The following RIMS2 variants were observed in gnomAD, a reference collection of about 807,000 sequenced individuals.
The protein encoded by RIMS2 is regulating synaptic membrane exocytosis protein 2.
Under a neutral mutation model 174.4 loss-of-function variants are expected in RIMS2, and 59 were observed. The observed-to-expected ratio is 0.34, with a 90% CI of 0.27 to 0.42. The LOEUF (loss-of-function observed/expected upper bound fraction) is 0.42, where lower values mean the gene tolerates loss of function less well. Ranked by LOEUF, RIMS2 falls within the 10% of genes least tolerant of loss-of-function variation. The pLI, the probability that RIMS2 is intolerant of heterozygous loss-of-function variation, is 1.00. For synonymous variants in RIMS2, 606 were observed against 572.5 expected, an observed-to-expected ratio of 1.06 and a Z score of -0.84; for missense variants, 1,620 against 1,666.3, an observed-to-expected ratio of 0.97 and a Z score of 0.48.
intron 2 of RIMS2, among the ~76,000 whole-genome samples, chr8:103,708,332 C>A (rs967508730): frequency 3.9e-5 from 6 of 152,172 alleles, no homozygotes; most frequent in African/African-American, 1.2e-4. Flanking sequence ...TGGAATTCTG[C>A]CTGGTGTTAA....
intron 19 of RIMS2, among the ~76,000 whole-genome samples, chr8:104,121,650 C>A (rs924469723): frequency 9.9e-5 from 15 of 152,208 alleles, no homozygotes; most frequent in African/African-American, 3.6e-4. Flanking sequence ...GAGTGCCAGG[C>A]CCTATTCTTG....
chr8:104,056,361 G>A (rs112565925), intron 19 of RIMS2, among the ~76,000 whole-genome samples: 19,298 of 151,256 alleles, frequency 0.13, 1,664 homozygotes, highest in Non-Finnish European at 0.19. Flanking sequence ...CCGAGATCAC[G>A]CCATTGCACC....
At chr8:104,167,619 T>C (rs1214606977) in intron 19 of RIMS2, among the ~76,000 whole-genome samples, 1 of 152,214 alleles carries the variant, frequency 6.6e-6, no homozygotes, top group Non-Finnish European at 1.5e-5. Flanking sequence ...TCCCATTCTG[T>C]GGGTTGTCTA....
chr8:104,075,919 T>C (rs1244656161), intron 19 of RIMS2, among the ~76,000 whole-genome samples: 4 of 152,238 alleles, frequency 2.6e-5, no homozygotes, highest in African/African-American at 7.2e-5. Context: ...CTTTGCTTCC[T>C]GGCCCCAAAC....
At chr8:103,543,186 A>G (rs973025293) in intron 1 of RIMS2, among the ~76,000 whole-genome samples, 1 of 152,224 alleles carries the variant, frequency 6.6e-6, no homozygotes, top group Admixed American at 6.5e-5. Flanking sequence ...AGGATACAAA[A>G]TCAACCTACA....
At position 103,983,959 on chromosome 8, in the gene RIMS2, G is replaced by A. The variant is rs565772216; in HGVS notation, c.2928-5346G>A. On this transcript the variant is annotated intron_variant, in intron 16 of 23. Coordinates refer to ENST00000504942, the Ensembl canonical transcript of RIMS2. ...GAGGCCAAGGCGGGCGGATCACGAGGTCAGGAGATCGAGACCATCCTGGCT... is the reference window on the plus strand; with the variant it reads ...GAGGCCAAGGCGGGCGGATCACGAGATCAGGAGATCGAGACCATCCTGGCT... Among the ~76,000 whole-genome samples, 68 of 152,168 alleles carry A rather than the reference G, an allele frequency of 4.5e-4. 1 individual carries two copies. In the South Asian group the frequency reaches 0.014, roughly 31 times the overall value.
intron 3 of RIMS2, among the ~76,000 whole-genome samples, chr8:103,870,118 T>C (rs2099103331): frequency 7.0e-6 from 1 of 143,056 alleles, no homozygotes; most frequent in Non-Finnish European, 1.5e-5. Context: ...TAACAGCCGA[T>C]AGCTATAAGG....
intron 15 of RIMS2, among the ~76,000 whole-genome samples, chr8:103,974,557 T>C (rs2093243448): frequency 6.6e-6 from 1 of 152,240 alleles, no homozygotes; most frequent in South Asian, 2.1e-4. Context: ...AACTTAGAAG[T>C]CCTTCTACTT....
intron 1 of RIMS2, among the ~76,000 whole-genome samples, chr8:103,513,493 G>C (rs1370410306): frequency 1.3e-5 from 2 of 152,080 alleles, no homozygotes; most frequent in East Asian, 3.8e-4. Context: ...CTCTTAGCAG[G>C]GTTAGGACAG....
chr8:103,751,175 G>A (rs898659367), intron 2 of RIMS2, among the ~76,000 whole-genome samples: 9 of 152,052 alleles, frequency 5.9e-5, no homozygotes, highest in Middle Eastern at 3.4e-3. Flanking sequence ...CAGTTCCCAC[G>A]CATGAGTGAG....
At chr8:103,695,395 T>G (rs1564317786) in intron 1 of RIMS2, among the ~76,000 whole-genome samples, 1 of 152,166 alleles carries the variant, frequency 6.6e-6, no homozygotes, top group African/African-American at 2.4e-5. Flanking sequence ...TCTGCTCTAA[T>G]CTCTTGTATT....
chr8:103,879,608 C>G (rs900322804), intron 3 of RIMS2, among the ~76,000 whole-genome samples: 9 of 151,610 alleles, frequency 5.9e-5, no homozygotes, highest in Middle Eastern at 3.4e-3. Context: ...CCAATCTTTT[C>G]AAGACCTACA....
At chr8:104,250,139 A>G (rs1564003834) in intron 22 of RIMS2, among the ~76,000 whole-genome samples, 2 of 152,236 alleles carry the variant, frequency 1.3e-5, no homozygotes, top group South Asian at 4.1e-4. Context: ...TCTAAGGTGC[A>G]TTGAAGCCAT....
At chr8:104,190,564 C>G (rs2136337985) in intron 19 of RIMS2, among the ~76,000 whole-genome samples, 1 of 152,148 alleles carries the variant, frequency 6.6e-6, no homozygotes, top group African/African-American at 2.4e-5. Context: ...ATGCAAGTCT[C>G]CAAATATTTT....
intron 16 of RIMS2, among the ~76,000 whole-genome samples, chr8:103,984,128 C>G (rs2094158673): frequency 6.6e-6 from 1 of 151,900 alleles, no homozygotes; most frequent in East Asian, 1.9e-4. Flanking sequence ...GAGCCGAGAT[C>G]GCGCCACTGC....
In RIMS2 at chr8:103,684,861, A is replaced by G. The variant is rs2096922988; in HGVS notation, c.177-12225A>G. 2.6e-5 allele frequency among the ~76,000 whole-genome samples: 4 copies of G among 152,124 alleles called. No individual in the cohort carries two copies. The South Asian group carries it at 8.3e-4, about 31-fold the overall frequency. Reference sequence around the variant, plus strand: ...CTTGGCCTCCCAAAGTGCTGGGATTACAGGCATGAGCCACTTCACCTGGCA... The same window carrying G: ...CTTGGCCTCCCAAAGTGCTGGGATTGCAGGCATGAGCCACTTCACCTGGCA... On this transcript the variant is annotated intron_variant, in intron 1 of 23. Transcript: ENST00000504942.
chr8:104,072,976 A>T (rs2097219923), intron 19 of RIMS2, among the ~76,000 whole-genome samples: 1 of 152,032 alleles, frequency 6.6e-6, no homozygotes, highest in East Asian at 1.9e-4. Context: ...TACTCAATGT[A>T]CTCTTGCATG....
At chr8:104,120,955 A>G (rs2098364566) in intron 19 of RIMS2, among the ~76,000 whole-genome samples, 1 of 152,124 alleles carries the variant, frequency 6.6e-6, no homozygotes. Context: ...CAAGAAAGTG[A>G]GCTAATTAAC....
intron 17 of RIMS2, 68 bp from the exon 20 acceptor site, chr8:104,013,374 A>T: frequency 8.1e-7 from 1 of 1,235,906 alleles, no homozygotes; most frequent in Non-Finnish European, 1.1e-6. Flanking sequence ...AATCAGTTTG[A>T]TGCATCATAA....
Sources: allele counts gnomAD v4.1 joint callset (sites outside exome capture counted in the v4.1 genomes callset), GRCh38; gene constraint gnomAD v4.1.1; transcripts MANE v1.5; gene names NCBI Gene and HGNC (gene_info 2026-07-23, HGNC 2026-07-21).